The following CDKN2A variants were observed in gnomAD, a reference collection of about 807,000 sequenced individuals.
CDKN2A encodes cyclin dependent kinase inhibitor 2A.
A neutral mutation model predicts 11.1 loss-of-function variants in CDKN2A; 3 were observed. That is an observed-to-expected ratio of 0.27 (90% CI 0.12 to 0.70). The LOEUF is 0.70. Among genes scored for constraint, CDKN2A ranks in the 30% least tolerant of loss-of-function variants. The pLI, the probability that CDKN2A is intolerant of heterozygous loss-of-function variation, is 0.77. For missense variants in CDKN2A, 265 were observed against 233.6 expected, an observed-to-expected ratio of 1.13 and a Z score of -0.88; for synonymous variants, 122 against 108.1, an observed-to-expected ratio of 1.13 and a Z score of -0.80.
chr9:21,980,036 A>G (rs188499412), intron 2 of CDKN2A, among the ~76,000 whole-genome samples: 1 of 152,320 alleles, frequency 6.6e-6, no homozygotes, highest in Admixed American at 6.5e-5. Context: ...ATATGCACGT[A>G]TTTCATGGGA....
intron 2 of CDKN2A, chr9:21,970,343 C>T: frequency 3.9e-6 from 1 of 258,276 alleles, no homozygotes; most frequent in Non-Finnish European, 7.4e-6. Context: ...TCCCCAGAAC[C>T]CCCTGGGGCA....
chr9:21,994,393 G>T (rs1217913844), intron 1 of CDKN2A: 3 of 1,607,606 alleles, frequency 1.9e-6, no homozygotes, highest in African/African-American at 1.3e-5. Flanking sequence ...CACCAGAGGT[G>T]AGCAGCGCCA....
chr9:21,969,803 A>G (rs1000428671), intron 2 of CDKN2A: 7 of 221,806 alleles, frequency 3.2e-5, no homozygotes, highest in Admixed American at 5.9e-5. Flanking sequence ...ACTGGAGGGA[A>G]TTGGCGGGGG....
intron 1 of CDKN2A, chr9:21,994,400 G>T: frequency 6.2e-7 from 1 of 1,606,930 alleles, no homozygotes; most frequent in Non-Finnish European, 8.5e-7. Context: ...GGTGAGCAGC[G>T]CCACTCCTGC....
In CDKN2A at chr9:21,988,276, CTTTGTGATAACA is replaced by C. The variant is rs1386654975; in HGVS notation, c.-4+5594_-4+5605del. Among the ~76,000 whole-genome samples, 1 of 152,018 alleles carries C rather than the reference CTTTGTGATAACA, an allele frequency of 6.6e-6. No individual in the cohort carries two copies. The highest frequency in any genetic ancestry group is 2.4e-5 in the African/African-American group (1 of 41,400). ...TGAGAAATAGTTGAATTAAAAAATC[CTTTGTGATAACA>C]TGTTTATATTTTCATGAACAAAGCC... On this transcript the variant is annotated intron_variant, in intron 2 of 3. Coordinates refer to the CDKN2A transcript ENST00000494262. The surrounding 1 kb of genome is among the most constrained non-coding windows in gnomAD (Gnocchi z 4.1).
chr9:21,994,362 A>G, intron 1 of CDKN2A: 1 of 1,607,458 alleles, frequency 6.2e-7, no homozygotes, highest in Non-Finnish European at 8.5e-7. Context: ...CGAGCTCGGC[A>G]GCCGCTGCGC....
upstream of CDKN2A, among the ~76,000 whole-genome samples, chr9:21,976,172 A>C (rs1820024071): frequency 6.6e-6 from 1 of 152,068 alleles, no homozygotes; most frequent in Admixed American, 6.6e-5. Flanking sequence ...TGAGGTCAGG[A>C]GTTCGAGGCC....
At position 21,968,815 on chromosome 9, in the gene CDKN2A, T is replaced by G. The variant is rs1323869714; in HGVS notation, c.458-573A>C. The G allele has an allele frequency of 6.5e-7, 1 of 1,530,522 alleles. No individual in the cohort carries two copies. The highest frequency in any genetic ancestry group is 8.8e-7 in the Non-Finnish European group (1 of 1,141,872). 94.8% of individuals were successfully genotyped at this position (1,530,522 alleles called of 1,614,324 possible). A position where few individuals can be genotyped will look rare whatever the true frequency, so the allele number is the denominator to read the frequency against. The stretch of plus-strand genomic sequence containing the variant: ...TCATTTATTCATGTGCTCTGGCTTC[T>G]GCCTTCCTCTCTAATCTCGTTGCGT... On this transcript the variant is annotated intron_variant, in intron 2 of 2. Coordinates refer to ENST00000304494, the MANE Select transcript of CDKN2A (RefSeq NM_000077.5). The surrounding 1 kb of genome is among the most constrained non-coding windows in gnomAD (Gnocchi z 4.7).
chr9:21,994,391 G>T lies in CDKN2A; in HGVS notation c.-175-338C>A, dbSNP rs1476558874. 3 of 1,607,790 alleles carry T rather than the reference G, an allele frequency of 1.9e-6. No individual in the cohort carries two copies. The Admixed American group carries it at 5.0e-5, about 27-fold the overall frequency. ...GCTGCGCCGCCCTTTGGCACCAGAG[G>T]TGAGCAGCGCCACTCCTGCCCCCTT... On this transcript the variant is annotated intron_variant, in intron 1 of 3. Coordinates refer to the CDKN2A transcript ENST00000494262.
In CDKN2A at chr9:21,971,139, C is replaced by T. The variant is rs760640852; in HGVS notation, c.220G>A (p.Asp74Asn). ...LLHGAEPNCADPATLTRPVHD... is the reference protein window; with the variant it reads ...LLHGAEPNCANPATLTRPVHD... ...ACGGGTCGGGTGAGAGTGGCGGGGTCGGCGCAGTTGGGCTCCGCGCCGTGG... is the reference window on the plus strand; with the variant it reads ...ACGGGTCGGGTGAGAGTGGCGGGGTTGGCGCAGTTGGGCTCCGCGCCGTGG... Residue 74 changes from aspartate to asparagine, a missense_variant, in exon 2 of 3, where the codon GAC becomes AAC. Physicochemically the swap from Asp to Asn is conservative, Grantham distance 23. Coordinates refer to ENST00000304494, the MANE Select transcript of CDKN2A (RefSeq NM_000077.5). 6.3e-7 allele frequency: 1 copy of T among 1,590,804 alleles called. No individual in the cohort carries two copies. The highest frequency in any genetic ancestry group is 1.7e-5 in the Admixed American group (1 of 58,420).
intron 2 of CDKN2A, 95 bp downstream of exon 2, chr9:21,970,807 A>G: frequency 6.8e-6 from 10 of 1,467,524 alleles, no homozygotes; most frequent in Non-Finnish European, 7.5e-6. Flanking sequence ...AAGACCGGAG[A>G]CTGGTCTCCC....
At position 21,981,178 on chromosome 9, in the gene CDKN2A, G is replaced by A. The variant is rs150592275; in HGVS notation, c.-3-9970C>T. On this transcript the variant is annotated intron_variant, in intron 2 of 3. Coordinates refer to the CDKN2A transcript ENST00000494262. ...TATACGTGTATATATATATATACGT[G>A]TATATATATATATACGTGTATATAT... Among the ~76,000 whole-genome samples, 62 of 74,018 alleles carry A rather than the reference G, an allele frequency of 8.4e-4. 6 individuals are homozygous for A. Among genetic ancestry groups the A allele is most frequent in the African/African-American group, 3.8e-3 (60 of 15,772 alleles). 48.6% of individuals were successfully genotyped at this position (74,018 alleles called of 152,430 possible). A position where few individuals can be genotyped will look rare whatever the true frequency, so the allele number is the denominator to read the frequency against.
Position 21,988,134 on chromosome 9 carries a change from T to G in CDKN2A, c.-4+5748A>C, listed in dbSNP as rs183552430. Among the ~76,000 whole-genome samples the G allele has an allele frequency of 3.3e-5, 5 of 152,326 alleles. No homozygotes were observed. The highest frequency in any genetic ancestry group is 3.3e-4 in the Admixed American group (5 of 15,300). Reference sequence around the variant, plus strand: ...TTCAATTTGCTTAAGAGATTACATGTCTTTGTTCATGTAATTCTGAACCTC... The same window carrying G: ...TTCAATTTGCTTAAGAGATTACATGGCTTTGTTCATGTAATTCTGAACCTC... On this transcript the variant is annotated intron_variant, in intron 2 of 3. Coordinates refer to the CDKN2A transcript ENST00000494262. This position sits in a 1 kb window ranked among gnomAD's most constrained non-coding sequence, Gnocchi z 4.1.
At chr9:21,990,366 G>A (rs910576910) in intron 2 of CDKN2A, among the ~76,000 whole-genome samples, 3 of 152,148 alleles carry the variant, frequency 2.0e-5, no homozygotes, top group Non-Finnish European at 4.4e-5. Context: ...ACGTTCTCGT[G>A]TATGACACTT....
At chr9:21,994,590 G>T in intron 1 of CDKN2A, 1 of 866,262 alleles carries the variant, frequency 1.2e-6, no homozygotes, top group Non-Finnish European at 1.6e-6. Context: ...CACGCGGGAA[G>T]GGCTGCCGGA....
intron 2 of CDKN2A, chr9:21,993,745 A>T (rs1267163139): frequency 4.8e-6 from 1 of 207,866 alleles, no homozygotes; most frequent in Non-Finnish European, 9.7e-6. Flanking sequence ...TTAGATGGTT[A>T]GCAATAATTC....
chr9:21,993,533 C>T (rs1248588774), intron 2 of CDKN2A, among the ~76,000 whole-genome samples: 1 of 152,158 alleles, frequency 6.6e-6, no homozygotes, highest in East Asian at 1.9e-4. Flanking sequence ...AAAGAAAGCC[C>T]ATTTCCCTGT....
rs572365233 is a variant in CDKN2A, at chr9:21,969,856, A to C, written c.457+1046T>G. 78 of 397,984 alleles carry C rather than the reference A, an allele frequency of 2.0e-4. No homozygotes were observed. In the East Asian group the frequency reaches 2.6e-3, roughly 13 times the overall value. The allele number at this position is 397,984 out of a possible 1,614,324, so 24.7% of individuals were successfully genotyped here. A position where few individuals can be genotyped will look rare whatever the true frequency, so the allele number is the denominator to read the frequency against. ...GAGTAAAGAAGAACTTCGCGTCTTT[A>C]ACTTCGAAGGTGATTTTGCGTTCTG... is the stretch of plus-strand genomic sequence containing the variant. On this transcript the variant is annotated intron_variant, in intron 2 of 2. Transcript: ENST00000304494.
In CDKN2A at chr9:21,974,757, C is replaced by T. The variant is rs104894097; in HGVS notation, c.71G>A (p.Arg24Gln). ...CAGCAGCGCCCGCACCTCCTCTACC[C>T]GACCCCGGGCCGCGGCCGTGGCCAG... ...DWLATAAARG[R>Q]VEEVRALLEA... Residue 24 changes from arginine (R) to glutamine (Q), a missense_variant, in exon 1 of 3, where the codon CGG (arginine) becomes CAG (glutamine). By Grantham distance (43) the Arg-to-Gln change is conservative (BLOSUM62 1). Transcript: ENST00000304494. The surrounding 1 kb of genome is among the most constrained non-coding windows in gnomAD (Gnocchi z 5.2). The T allele has an allele frequency of 3.7e-6, 6 of 1,609,978 alleles. No individual in the cohort carries two copies. Among genetic ancestry groups the T allele is most frequent in the Non-Finnish European group, 4.2e-6 (5 of 1,179,462 alleles).
Sources: allele counts gnomAD v4.1 joint callset (sites outside exome capture counted in the v4.1 genomes callset), GRCh38; gene constraint gnomAD v4.1.1; non-coding constraint Gnocchi (gnomAD v3.1); transcripts MANE v1.5; gene names NCBI Gene and HGNC (gene_info 2026-07-23, HGNC 2026-07-21).